Variants in TRIM71 observed in about 807,000 individuals in gnomAD.
The protein encoded by TRIM71 is tripartite motif containing 71, also known as E3 ubiquitin-protein ligase TRIM71.
TRIM71 carries 9 observed loss-of-function variants against 61.2 expected under a neutral mutation model. The observed-to-expected ratio is 0.15, with a 90% confidence interval of 0.09 to 0.26. TRIM71 has a LOEUF of 0.26. Among genes scored for constraint, TRIM71 ranks in the 10% least tolerant of loss-of-function variants. The pLI, the probability that TRIM71 is intolerant of heterozygous loss-of-function variation, is 1.00. For missense variants in TRIM71, 998 were observed against 1,238.7 expected (o/e 0.81, Z 2.92); for synonymous variants, 645 against 553.2 (o/e 1.17, Z -2.33).
intron 1 of TRIM71, among the ~76,000 whole-genome samples, chr3:32,866,686 C>T (rs1696739758): frequency 6.6e-6 from 1 of 152,062 alleles, no homozygotes; most frequent in Non-Finnish European, 1.5e-5. Flanking sequence ...GACCACTTCA[C>T]CAAGGGCCTG....
At chr3:32,854,149 T>G (rs1703249877) in intron 1 of TRIM71, among the ~76,000 whole-genome samples, 1 of 152,166 alleles carries the variant, frequency 6.6e-6, no homozygotes. Context: ...CCACCATGCC[T>G]GGCTAATTTT....
At chr3:32,864,198 C>T (rs1045089796) in intron 1 of TRIM71, among the ~76,000 whole-genome samples, 1 of 152,218 alleles carries the variant, frequency 6.6e-6, no homozygotes, top group Non-Finnish European at 1.5e-5. Flanking sequence ...CCCACCTCAG[C>T]CTTCTGAGTA....
intron 2 of TRIM71, among the ~76,000 whole-genome samples, chr3:32,874,844 A>G (rs1025448259): frequency 1.5e-5 from 2 of 137,068 alleles, no homozygotes; most frequent in Admixed American, 7.2e-5. Context: ...TTTTGAGACA[A>G]GAGTCTCACT....
Position 32,890,059 on chromosome 3 carries a change from A to AG in TRIM71, c.1156-299dup, listed in dbSNP as rs1697007526. 6.6e-6 allele frequency among the ~76,000 whole-genome samples: 1 copy of AG among 152,214 alleles called. No individual in the cohort carries two copies. The highest frequency in any genetic ancestry group is 2.4e-5 in the African/African-American group (1 of 41,454). On this transcript the variant is annotated intron_variant, in intron 3 of 3. Transcript: ENST00000383763. The surrounding 1 kb of genome is among the most constrained non-coding windows in gnomAD (Gnocchi z 6.2). ...GCATCTACTCCTCAGTCCATAATCA[A>AG]GGTTCAACAATTGTCCCAACAGTGC...
chr3:32,886,183 T>A (rs1696959705), intron 3 of TRIM71, 115 bp downstream of exon 3: 1 of 1,315,790 alleles, frequency 7.6e-7, no homozygotes, highest in East Asian at 2.7e-5. Context: ...TTAAAACACT[T>A]CGTAATTTTC....
intron 1 of TRIM71, among the ~76,000 whole-genome samples, chr3:32,820,989 G>T (rs1276626485): frequency 2.0e-5 from 3 of 152,124 alleles, no homozygotes; most frequent in Non-Finnish European, 4.4e-5. Context: ...GATTTAGAAC[G>T]CTAGAAATTT....
intron 1 of TRIM71, among the ~76,000 whole-genome samples, chr3:32,849,937 C>T (rs1297611172): frequency 1.3e-5 from 2 of 152,224 alleles, no homozygotes; most frequent in Non-Finnish European, 1.5e-5. Flanking sequence ...TCCTATCTAG[C>T]TCCTAAGATT....
chr3:32,877,821 A>G (rs1011999641), intron 2 of TRIM71, among the ~76,000 whole-genome samples: 2 of 152,128 alleles, frequency 1.3e-5, no homozygotes, highest in African/African-American at 2.4e-5. Flanking sequence ...TGCTACAAGA[A>G]GTTGATCCCA....
At chr3:32,862,513 G>A (rs1696682677) in intron 1 of TRIM71, among the ~76,000 whole-genome samples, 1 of 152,198 alleles carries the variant, frequency 6.6e-6, no homozygotes, top group Admixed American at 6.5e-5. Context: ...CGAGGACTGA[G>A]TTACATGGCC....
chr3:32,844,448 G>A (rs569085662), intron 1 of TRIM71, among the ~76,000 whole-genome samples: 3 of 152,140 alleles, frequency 2.0e-5, no homozygotes, highest in Non-Finnish European at 4.4e-5. Context: ...TCAGGCTAGA[G>A]TGCAGTGGCG....
intron 2 of TRIM71, among the ~76,000 whole-genome samples, chr3:32,882,787 C>T (rs944872494): frequency 6.6e-6 from 1 of 152,188 alleles, no homozygotes; most frequent in African/African-American, 2.4e-5. Context: ...AGCTATCCTC[C>T]TGCCTCTGCC....
intron 1 of TRIM71, among the ~76,000 whole-genome samples, chr3:32,840,395 A>C (rs1388803003): frequency 6.6e-6 from 1 of 152,216 alleles, no homozygotes; most frequent in African/African-American, 2.4e-5. Context: ...GCCAGTACAT[A>C]ACATGAATAC....
intron 1 of TRIM71, among the ~76,000 whole-genome samples, chr3:32,848,511 A>G (rs1170063864): frequency 6.6e-6 from 1 of 152,198 alleles, no homozygotes; most frequent in Non-Finnish European, 1.5e-5. Flanking sequence ...CCGAAGAAAT[A>G]AGGGGATTGT....
chr3:32,874,673 C>CCACCA (rs1283743016), intron 2 of TRIM71, among the ~76,000 whole-genome samples: 1 of 152,012 alleles, frequency 6.6e-6, no homozygotes, highest in Admixed American at 6.6e-5. Context: ...CAGGCGCCCA[C>CCACCA]CACCACGCCC....
At chr3:32,821,585 G>T (rs4909040) in intron 1 of TRIM71, among the ~76,000 whole-genome samples, 147,290 of 152,302 alleles carry the variant, frequency 0.97, 71,424 homozygotes, top group East Asian at 1. Context: ...ATAATGAGAC[G>T]TACTTGCTGC....
intron 2 of TRIM71, among the ~76,000 whole-genome samples, chr3:32,878,657 C>T (rs932961823): frequency 3.9e-5 from 6 of 152,154 alleles, no homozygotes; most frequent in East Asian, 1.9e-4. Flanking sequence ...TTAAAAATTC[C>T]GCAAACCATG....
chr3:32,824,089 A>G (rs1696173075), intron 1 of TRIM71, among the ~76,000 whole-genome samples: 1 of 152,134 alleles, frequency 6.6e-6, no homozygotes, highest in Admixed American at 6.5e-5. Context: ...GAAAAAAAAA[A>G]GTGTTTGAAG....
chr3:32,868,089 G>T (rs1450652808), intron 1 of TRIM71, among the ~76,000 whole-genome samples: 1 of 152,022 alleles, frequency 6.6e-6, no homozygotes, highest in East Asian at 1.9e-4. Flanking sequence ...CCTCTTGTAG[G>T]CCCCTTTTCA....
At chr3:32,873,732 T>A (rs1361383269) in intron 1 of TRIM71, 86 bp from the exon 2 acceptor site, 4 of 1,306,948 alleles carry the variant, frequency 3.1e-6, no homozygotes, top group African/African-American at 1.5e-5. Flanking sequence ...CGTTCGGTTG[T>A]GAGAGCCAGG....
Sources: allele counts gnomAD v4.1 joint callset (sites outside exome capture counted in the v4.1 genomes callset), GRCh38; gene constraint gnomAD v4.1.1; non-coding constraint Gnocchi (gnomAD v3.1); transcripts MANE v1.5; gene names NCBI Gene and HGNC (gene_info 2026-07-23, HGNC 2026-07-21).